MZF1: variants seen among roughly 807,000 people sequenced by gnomAD.
MZF1 encodes zinc finger and SCAN domain-containing protein 6.
A neutral mutation model predicts 28.6 loss-of-function variants in MZF1; 24 were observed. The ratio of observed to expected loss-of-function variants is 0.84; its 90% confidence interval spans 0.61 to 1.18. The LOEUF is 1.18. Ranked by LOEUF, MZF1 falls within the 50% of genes most tolerant of loss-of-function variation. MZF1 has a pLI of 0.00. For missense variants in MZF1, 1,166 were observed against 1,026.4 expected (o/e 1.14, Z -1.86); for synonymous variants, 516 against 432.5 (o/e 1.19, Z -2.40).
intron 5 of MZF1, among the ~76,000 whole-genome samples, chr19:58,566,719 A>G (rs998398381): frequency 5.3e-5 from 8 of 152,098 alleles, no homozygotes; most frequent in African/African-American, 1.4e-4. Context: ...TGAGCCTGTA[A>G]TTGCAGCTAC....
intron 1 of MZF1, chr19:58,572,456 G>A (rs1021118878): frequency 1.0e-5 from 10 of 986,572 alleles, no homozygotes; most frequent in Admixed American, 2.4e-5. Context: ...GCCGGAACAG[G>A]AGCCTGCAAG....
chr19:58,562,395 C>T lies in MZF1; in HGVS notation c.1882G>A (p.Gly628Ser), dbSNP rs1159482628. 1.2e-6 allele frequency: 2 copies of T among 1,608,700 alleles called. No individual in the cohort carries two copies. The highest frequency in any genetic ancestry group is 1.7e-5 in the Admixed American group (1 of 59,068). Residue 628 changes from glycine to serine, a missense_variant, in exon 6 of 6, where the codon GGT becomes AGT. Transcript: ENST00000215057. ...THTGEKPYHC[G>S]ECGLGFTQVS... ...TGCGTGAAGCCCAGGCCGCACTCAC[C>T]GCAGTGGTAGGGCTTTTCGCCGGTG...
At chr19:58,570,635 T>C in intron 2 of MZF1, 108 bp from the exon 3 acceptor site, 1 of 1,236,690 alleles carries the variant, frequency 8.1e-7, no homozygotes, top group South Asian at 1.5e-5. Flanking sequence ...GCCTGCCTTG[T>C]AAATACCTAC....
At chr19:58,570,074 T>C in intron 3 of MZF1, 2 of 404,554 alleles carry the variant, frequency 4.9e-6, no homozygotes, top group African/African-American at 4.1e-5. Context: ...CCACATGCCA[T>C]CTGTACTGGG....
At chr19:58,569,154 G>A in intron 5 of MZF1, 123 bp downstream of exon 5, 2 of 1,320,314 alleles carry the variant, frequency 1.5e-6, no homozygotes, top group Non-Finnish European at 2.1e-6. Context: ...GATGATCTAG[G>A]GAATGGGGGA....
At chr19:58,572,913 C>G (rs1010342577) in intron 1 of MZF1, 142 bp downstream of exon 1, 7 of 271,428 alleles carry the variant, frequency 2.6e-5, no homozygotes, top group Non-Finnish European at 4.6e-5. Context: ...GCCTCTCGCT[C>G]TAGCCCTGGG....
rs760398877 is a variant in MZF1 at position 58,570,360 on chromosome 19, C to T, written c.564G>A (p.Glu188=). 3.1e-6 allele frequency: 5 copies of T among 1,612,780 alleles called. No homozygotes were observed. Among genetic ancestry groups the T allele is most frequent in the South Asian group, 1.1e-5 (1 of 91,030 alleles). The part of the protein sequence containing the change: ...PLGLQVKEES[E]VTEDSDFLES... ...TGCCCTCACCTGAGTCCTCTGTAAC[C>T]TCTGACTCCTCTTTCACCTGCAGGC... The change falls in exon 3 of 6, where the codon GAG becomes GAA. Residue 188 remains glutamate, a synonymous_variant. Transcript: ENST00000215057.
rs757629894 is a variant in MZF1, at chr19:58,570,497, G to A, written c.427C>T (p.Leu143=). 2 of 1,613,648 alleles carry A rather than the reference G, an allele frequency of 1.2e-6. No homozygotes were observed. Among genetic ancestry groups the A allele is most frequent in the East Asian group, 4.5e-5 (2 of 44,876 alleles). Residue 143 remains leucine, a synonymous_variant, in exon 3 of 6, where the codon CTA becomes TTA. Coordinates refer to ENST00000215057, the MANE Select transcript of MZF1 (RefSeq NM_198055.2). ...VTVQVQGQEV[L]SEKMEPSSFQ... is the part of the protein sequence containing the mutation. ...CTGGAGGGCTCCATCTTCTCTGATA[G>A]GACCTCCTGGCCCTGCACCTGGACT...
intron 3 of MZF1, chr19:58,569,871 A>G (rs2054125289): frequency 4.7e-6 from 2 of 423,666 alleles, no homozygotes; most frequent in Non-Finnish European, 4.3e-6. Flanking sequence ...GGTCAGAGGT[A>G]TTGTACAAGG....
At chr19:58,567,178 G>C (rs975484552) in intron 5 of MZF1, among the ~76,000 whole-genome samples, 1 of 152,190 alleles carries the variant, frequency 6.6e-6, no homozygotes, top group Non-Finnish European at 1.5e-5. Flanking sequence ...AAAGTGCTGG[G>C]ATTACAGGCA....
At chr19:58,571,690 T>C (rs1463199781) in intron 1 of MZF1, 5 of 370,366 alleles carry the variant, frequency 1.4e-5, no homozygotes, top group East Asian at 9.0e-5. Context: ...GGCTTTTTTT[T>C]CTTTTCTTTG....
At position 58,570,491 on chromosome 19, in the gene MZF1, C is replaced by G. The variant is rs923386820; in HGVS notation, c.433G>C (p.Glu145Gln). Residue 145 changes from glutamate to glutamine, a missense_variant, in exon 3 of 6, where the codon GAG (glutamate) becomes CAG (glutamine). By Grantham distance (29) the Glu-to-Gln change is conservative. Coordinates refer to ENST00000215057, the MANE Select transcript of MZF1 (RefSeq NM_198055.2). ...VQVQGQEVLS[E>Q]KMEPSSFQPL... is the part of the protein sequence containing the mutation. ...TGGAAACTGGAGGGCTCCATCTTCTCTGATAGGACCTCCTGGCCCTGCACC... is the reference window on the plus strand; with the variant it reads ...TGGAAACTGGAGGGCTCCATCTTCTGTGATAGGACCTCCTGGCCCTGCACC... 2.5e-6 allele frequency: 4 copies of G among 1,613,754 alleles called. No individual in the cohort carries two copies. The highest frequency in any genetic ancestry group is 3.4e-6 in the Non-Finnish European group (4 of 1,179,760).
chr19:58,563,517 G>A lies in MZF1; in HGVS notation c.773-13C>T, dbSNP rs2053980082. 2.0e-6 allele frequency: 3 copies of A among 1,513,580 alleles called. No homozygotes were observed. The highest frequency in any genetic ancestry group is 2.1e-5 in the Admixed American group (1 of 47,432). The allele number at this position is 1,513,580 out of a possible 1,614,324, so 93.8% of individuals were successfully genotyped here. Reference sequence around the variant, plus strand: ...TGCAGCGCGAACCCTGCATACACAAGGGGACCATTCATTCATGACAGAATG... The same window carrying A: ...TGCAGCGCGAACCCTGCATACACAAAGGGACCATTCATTCATGACAGAATG... On this transcript the variant is annotated splice_polypyrimidine_tract_variant and intron_variant, in intron 5 of 5. Coordinates refer to ENST00000215057, the MANE Select transcript of MZF1 (RefSeq NM_198055.2).
chr19:58,569,501 C>G lies in MZF1; in HGVS notation c.651+15G>C, dbSNP rs1017922130. The stretch of plus-strand genomic sequence containing the variant: ...CCAGGGAAAGGAGGAGAACATGGAC[C>G]TGGGCAGGACTTACCTGGGCCTCCT... On this transcript the variant is annotated intron_variant, in intron 4 of 5. Transcript: ENST00000215057. 6.2e-7 allele frequency: 1 copy of G among 1,612,378 alleles called. No individual in the cohort carries two copies. Among genetic ancestry groups the G allele is most frequent in the Non-Finnish European group, 8.5e-7 (1 of 1,178,990 alleles).
intron 5 of MZF1, among the ~76,000 whole-genome samples, chr19:58,567,027 C>G (rs1043818402): frequency 3.3e-5 from 5 of 152,070 alleles, no homozygotes; most frequent in Non-Finnish European, 7.3e-5. Context: ...CTCAGCCTCC[C>G]AAGTAGCTGG....
At chr19:58,564,902 G>GTGTTTTTT (rs1568680296) in intron 5 of MZF1, among the ~76,000 whole-genome samples, 3 of 41,954 alleles carry the variant, frequency 7.2e-5, no homozygotes, top group South Asian at 1.2e-3. Flanking sequence ...CCATGTGTGT[G>GTGTTTTTT]TTTTTTTTTT....
intron 5 of MZF1, among the ~76,000 whole-genome samples, chr19:58,565,087 ATTGT>A (rs1012139673): frequency 1.1e-4 from 14 of 129,588 alleles, no homozygotes; most frequent in African/African-American, 3.8e-4. Flanking sequence ...TGCCTGGCTA[ATTGT>A]TTGTATTTTT....
chr19:58,563,126 A>G lies in MZF1; in HGVS notation c.1151T>C (p.Phe384Ser), dbSNP rs761020878. 4 of 1,607,968 alleles carry G rather than the reference A, an allele frequency of 2.5e-6. 1 individual carries two copies. The South Asian group carries it at 4.4e-5, about 18-fold the overall frequency. ...HQKIHTGERP[F>S]VCSECGRSFS... ...GCTGCGGCCGCACTCGCTGCACACGAATGGTCGCTCACCCGTGTGGATCTT... is the reference window on the plus strand; with the variant it reads ...GCTGCGGCCGCACTCGCTGCACACGGATGGTCGCTCACCCGTGTGGATCTT... Residue 384 changes from phenylalanine to serine, a missense_variant, in exon 6 of 6, where the codon TTC becomes TCC. Physicochemically the swap from Phe to Ser is radical, Grantham distance 155. Transcript: ENST00000215057.
In MZF1 at chr19:58,571,120, C is replaced by T; in HGVS notation, c.270G>A (p.Glu90=). 6.2e-7 allele frequency: 1 copy of T among 1,614,064 alleles called. No homozygotes were observed. The highest frequency in any genetic ancestry group is 8.5e-7 in the Non-Finnish European group (1 of 1,180,024). The part of the protein sequence containing the change: ...KEQMLELLVL[E]QFLGALPPEI... ...CAGGGGGCAGTGCGCCCAGGAACTG[C>T]TCCAGCACCAACAGCTCCAGCATCT... Residue 90 remains glutamate, a synonymous_variant, in exon 2 of 6, where the codon GAG becomes GAA. Transcript: ENST00000215057.
Sources: allele counts gnomAD v4.1 joint callset (sites outside exome capture counted in the v4.1 genomes callset), GRCh38; gene constraint gnomAD v4.1.1; transcripts MANE v1.5; gene names NCBI Gene and HGNC (gene_info 2026-07-23, HGNC 2026-07-21).